The following MALRD1 variants were observed in gnomAD, a reference collection of about 807,000 sequenced individuals.
The protein encoded by MALRD1 is MAM and LDL receptor class A domain containing 1.
MALRD1 carries 247 observed loss-of-function variants against 242.1 expected under a neutral mutation model. The ratio of observed to expected loss-of-function variants is 1.02; its 90% CI spans 0.92 to 1.13. The LOEUF (loss-of-function observed/expected upper bound fraction) is 1.13. Ranked by LOEUF, MALRD1 falls within the 50% of genes most tolerant of loss-of-function variation. MALRD1 has a pLI of 0.00. For synonymous variants in MALRD1, 995 were observed against 866.6 expected (o/e 1.15, Z -2.60); for missense variants, 2,989 against 2,533.1 (o/e 1.18, Z -3.86).
At chr10:19,718,122 AGAAGAGGAAGAAGAG>A (rs1416836876) in intron 38 of MALRD1, among the ~76,000 whole-genome samples, 33 of 150,528 alleles carry the variant, frequency 2.2e-4, no homozygotes, top group South Asian at 6.3e-4. Context: ...AAGAAGAAGA[AGAAGAGGAAGAAGAG>A]GAAGAGGAAG....
At chr10:19,403,465 AGCATTGCTTT>A (rs1846955615) in intron 28 of MALRD1, among the ~76,000 whole-genome samples, 1 of 152,152 alleles carries the variant, frequency 6.6e-6, no homozygotes, top group Non-Finnish European at 1.5e-5. Flanking sequence ...ATAATCATTG[AGCATTGCTTT>A]GCCCTCTTTT....
intron 10 of MALRD1, among the ~76,000 whole-genome samples, chr10:19,140,653 C>T (rs577702085): frequency 1.3e-5 from 2 of 151,392 alleles, no homozygotes; most frequent in East Asian, 1.9e-4. Flanking sequence ...CAATGATGAG[C>T]GTGGAGGGGA....
intron 29 of MALRD1, among the ~76,000 whole-genome samples, chr10:19,466,631 G>A (rs1836228848): frequency 6.6e-6 from 1 of 152,138 alleles, no homozygotes; most frequent in Non-Finnish European, 1.5e-5. Context: ...GTTATTACAA[G>A]TTCTTTCCTC....
chr10:19,233,990 G>T (rs937297110), intron 18 of MALRD1, among the ~76,000 whole-genome samples: 1 of 151,792 alleles, frequency 6.6e-6, no homozygotes, highest in Non-Finnish European at 1.5e-5. Flanking sequence ...TTGATAATTG[G>T]TGCTGTATAT....
chr10:19,223,618 T>A (rs771881098), intron 18 of MALRD1, among the ~76,000 whole-genome samples: 7 of 152,208 alleles, frequency 4.6e-5, no homozygotes, highest in Non-Finnish European at 8.8e-5. Flanking sequence ...GAAATAGGTA[T>A]ACATGTGCTG....
chr10:19,235,578 C>CAGAGAGAGAGAGAGAGAGAGAG lies in MALRD1; in HGVS notation c.2992-22091_2992-22070dup, dbSNP rs34117417. ...ACACACACACCCACACCCACACCCACAGAGAGAGAGAGAGAGAGAGAGAGA... is the reference window on the plus strand; with the variant it reads ...ACACACACACCCACACCCACACCCACAGAGAGAGAGAGAGAGAGAGAGAGAGAGAGAGAGAGAGAGAGAGAGA... On this transcript the variant is annotated intron_variant, in intron 18 of 39. Coordinates refer to ENST00000454679, the MANE Select transcript of MALRD1 (RefSeq NM_001142308.3). 1.4e-4 allele frequency among the ~76,000 whole-genome samples: 18 copies of CAGAGAGAGAGAGAGAGAGAGAG among 132,476 alleles called. 1 individual carries two copies. Among genetic ancestry groups the CAGAGAGAGAGAGAGAGAGAGAG allele is most frequent in the East Asian group, 4.6e-4 (2 of 4,330 alleles). The allele number at this position is 132,476 out of a possible 152,430, so 86.9% of individuals were successfully genotyped here.
intron 29 of MALRD1, among the ~76,000 whole-genome samples, chr10:19,477,801 C>T (rs578124288): frequency 6.6e-6 from 1 of 152,144 alleles, no homozygotes; most frequent in Admixed American, 6.6e-5. Context: ...ATTTGCATAG[C>T]ACATGAAGAA....
At chr10:19,456,162 T>C (rs1835637608) in intron 29 of MALRD1, among the ~76,000 whole-genome samples, 1 of 152,180 alleles carries the variant, frequency 6.6e-6, no homozygotes, top group East Asian at 1.9e-4. Context: ...CTACTCAATC[T>C]TTCCCTACAT....
intron 34 of MALRD1, among the ~76,000 whole-genome samples, chr10:19,602,538 C>A (rs190909136): frequency 6.6e-6 from 1 of 151,728 alleles, no homozygotes; most frequent in Non-Finnish European, 1.5e-5. Flanking sequence ...TCATTTTTTA[C>A]GGCTGCATAG....
Position 19,291,966 on chromosome 10 carries a change from A to G in MALRD1, c.3419+8785A>G, listed in dbSNP as rs192439970. Among the ~76,000 whole-genome samples the G allele has an allele frequency of 2.7e-4, 41 of 151,414 alleles. 1 individual carries two copies. In the East Asian group the frequency reaches 7.5e-3, roughly 28 times the overall value. On this transcript the variant is annotated intron_variant, in intron 21 of 39. Coordinates refer to ENST00000454679, the MANE Select transcript of MALRD1 (RefSeq NM_001142308.3). ...TCATACGTGGTGGTGCGTGCCTGTA[A>G]TCCCAGTTACTCAGGAGGCTGAGTC... is the stretch of plus-strand genomic sequence containing the variant.
chr10:19,664,728 G>T (rs1177049446), intron 36 of MALRD1, among the ~76,000 whole-genome samples: 1 of 151,626 alleles, frequency 6.6e-6, no homozygotes, highest in African/African-American at 2.4e-5. Context: ...TAAAAATTCA[G>T]AAGCTTATCC....
intron 18 of MALRD1, among the ~76,000 whole-genome samples, chr10:19,235,411 A>G (rs1838266562): frequency 6.6e-6 from 1 of 151,242 alleles, no homozygotes; most frequent in Non-Finnish European, 1.5e-5. Flanking sequence ...AGCCATTTGT[A>G]TGTGTTCTCT....
chr10:19,171,461 C>CAT (rs1834931823), intron 13 of MALRD1, among the ~76,000 whole-genome samples: 1 of 129,126 alleles, frequency 7.7e-6, no homozygotes, highest in African/African-American at 3.1e-5. Context: ...TATATATACA[C>CAT]ACATGTATAT....
At chr10:19,693,501 A>G (rs1003279393) in intron 38 of MALRD1, among the ~76,000 whole-genome samples, 4 of 152,192 alleles carry the variant, frequency 2.6e-5, no homozygotes, top group Admixed American at 6.5e-5. Flanking sequence ...TAAAATGCCT[A>G]GGAATCCAAC....
intron 38 of MALRD1, among the ~76,000 whole-genome samples, chr10:19,707,420 C>G (rs548475663): frequency 1.3e-5 from 2 of 152,130 alleles, no homozygotes; most frequent in Non-Finnish European, 2.9e-5. Flanking sequence ...CTAACTGATA[C>G]GAACAAGGCA....
At chr10:19,176,102 A>G (rs933348026) in intron 14 of MALRD1, among the ~76,000 whole-genome samples, 1 of 152,122 alleles carries the variant, frequency 6.6e-6, no homozygotes, top group Non-Finnish European at 1.5e-5. Context: ...ATGTTTTCTG[A>G]AAAGTGTCAC....
chr10:19,448,143 T>A (rs138504422), intron 28 of MALRD1, among the ~76,000 whole-genome samples: 5 of 152,300 alleles, frequency 3.3e-5, no homozygotes, highest in African/African-American at 1.2e-4. Flanking sequence ...CACGAAGTTA[T>A]GAATGTCCAG....
chr10:19,084,427 T>TA (rs983851659), intron 2 of MALRD1, among the ~76,000 whole-genome samples: 1 of 151,964 alleles, frequency 6.6e-6, no homozygotes, highest in African/African-American at 2.4e-5. Flanking sequence ...GATTTTTTTT[T>TA]AATGTTCTTG....
intron 29 of MALRD1, among the ~76,000 whole-genome samples, chr10:19,458,343 C>G (rs1564360222): frequency 6.6e-6 from 1 of 152,142 alleles, no homozygotes. Context: ...ATTATATGTT[C>G]TCTTCCAACT....
Sources: gnomAD v4.1 joint callset for allele counts (sites outside exome capture counted in the v4.1 genomes callset) on GRCh38, gnomAD v4.1.1 for gene constraint, MANE v1.5 for transcripts, NCBI Gene and HGNC (gene_info 2026-07-23, HGNC 2026-07-21) for gene names.